The following MAF variants were observed in gnomAD, a reference collection of about 807,000 sequenced individuals.
The protein encoded by MAF is transcription factor Maf.
Under a neutral mutation model 22.0 loss-of-function variants are expected in MAF, and 10 were observed. The observed-to-expected ratio is 0.45, with a 90% confidence interval of 0.28 to 0.77. The LOEUF is 0.77. Among genes scored for constraint, MAF ranks in the 30% least tolerant of loss-of-function variants. MAF has a pLI of 0.12. For synonymous variants in MAF, 337 were observed against 255.8 expected (o/e 1.32, Z -3.03); for missense variants, 544 against 548.4 (o/e 0.99, Z 0.08).
chr16:79,374,841 G>A, the MAF span, among the ~76,000 whole-genome samples: 13 of 152,278 alleles, frequency 8.5e-5, no homozygotes, highest in African/African-American at 2.2e-4. Flanking sequence ...AACACAGTCC[G>A]TAACAGACCA....
At chr16:79,206,797 G>C in the MAF span, 2 of 152,234 alleles carry the variant, frequency 1.3e-5, no homozygotes, top group Non-Finnish European at 2.9e-5. Flanking sequence ...TACTGGTGTG[G>C]TCACCTAGCC....
chr16:79,343,248 A>C, the MAF span, among the ~76,000 whole-genome samples: 1,386 of 147,898 alleles, frequency 9.4e-3, 21 homozygotes, highest in African/African-American at 0.024. Context: ...ACCCCCCCCC[A>C]AAAAAATCTA....
the MAF span, among the ~76,000 whole-genome samples, chr16:79,221,532 C>T: frequency 6.6e-6 from 1 of 152,128 alleles, no homozygotes; most frequent in Admixed American, 6.5e-5. Context: ...ATAGTAAAAA[C>T]CACTGTTTAA....
In MAF at chr16:79,600,658, G is replaced by C. The variant is rs913819887; in HGVS notation, c.-756C>G. On this transcript the variant is annotated 5_prime_UTR_variant, in exon 1 of 2. Transcript: ENST00000326043. ...AAGACGAGGCAGAGAGCAAAGGGGG[G>C]AGGGGGAGGCCAAGCCGACAAGCAG... is the stretch of plus-strand genomic sequence containing the variant. 2 of 196,524 alleles carry C rather than the reference G, an allele frequency of 1.0e-5. No homozygotes were observed. Among genetic ancestry groups the C allele is most frequent in the East Asian group, 1.8e-4 (2 of 11,168 alleles). The allele number at this position is 196,524 out of a possible 1,614,324, so 12.2% of individuals were successfully genotyped here.
At position 79,595,183 on chromosome 16, in the gene MAF, T is replaced by C. The variant is rs1913443272; in HGVS notation, c.1119-630A>G. Reference sequence around the variant, plus strand: ...TCAAGAACACTTGACTTCAAGCTCATGAGGGGAGGTTTACTATTAAGACTT... The same window carrying C: ...TCAAGAACACTTGACTTCAAGCTCACGAGGGGAGGTTTACTATTAAGACTT... On this transcript the variant is annotated intron_variant, in intron 1 of 1. Transcript: ENST00000326043. 7 of 1,037,542 alleles carry C rather than the reference T, an allele frequency of 6.7e-6. No individual in the cohort carries two copies. In the East Asian group the frequency reaches 1.7e-4, roughly 26 times the overall value. The allele number at this position is 1,037,542 out of a possible 1,614,324, so 64.3% of individuals were successfully genotyped here. A position where few individuals can be genotyped will look rare whatever the true frequency, so the allele number is the denominator to read the frequency against.
At chr16:79,371,561 C>T in the MAF span, among the ~76,000 whole-genome samples, 2 of 152,190 alleles carry the variant, frequency 1.3e-5, no homozygotes, top group African/African-American at 2.4e-5. Context: ...CACTGGACTC[C>T]TTCCTGCTCC....
chr16:79,211,508 C>G, the MAF span: 9 of 1,487,474 alleles, frequency 6.1e-6, no homozygotes, highest in East Asian at 2.3e-5. Flanking sequence ...GAAACTGAAC[C>G]AGGTGGGGGA....
the MAF span, among the ~76,000 whole-genome samples, chr16:79,389,736 G>A: frequency 6.6e-6 from 1 of 151,784 alleles, no homozygotes; most frequent in Non-Finnish European, 1.5e-5. Flanking sequence ...CAGCACTTTG[G>A]GAGCCCGACG....
At chr16:79,406,319 T>C in the MAF span, among the ~76,000 whole-genome samples, 2 of 152,212 alleles carry the variant, frequency 1.3e-5, no homozygotes, top group African/African-American at 4.8e-5. Context: ...ATTCACATGG[T>C]TTCTTAGTCT....
chr16:79,564,370 A>T, the MAF span, among the ~76,000 whole-genome samples: 1 of 152,182 alleles, frequency 6.6e-6, no homozygotes, highest in Non-Finnish European at 1.5e-5. Context: ...GGGGAAGAAA[A>T]GTGAGGAATC....
At chr16:79,417,626 C>T in the MAF span, among the ~76,000 whole-genome samples, 1 of 152,122 alleles carries the variant, frequency 6.6e-6, no homozygotes, top group Non-Finnish European at 1.5e-5. Flanking sequence ...GGGTCCCCAG[C>T]CCTACCGAGC....
At chr16:79,354,455 C>G in the MAF span, among the ~76,000 whole-genome samples, 2 of 152,086 alleles carry the variant, frequency 1.3e-5, no homozygotes, top group African/African-American at 4.8e-5. Context: ...ACCTTTCGGC[C>G]ATAGTGGGAG....
chr16:79,211,705 C>T, the MAF span: 2 of 1,614,236 alleles, frequency 1.2e-6, no homozygotes, highest in Non-Finnish European at 8.5e-7. Flanking sequence ...TGCATGCCCT[C>T]ACCAGAAGCT....
chr16:79,234,078 C>A, the MAF span, among the ~76,000 whole-genome samples: 1 of 151,898 alleles, frequency 6.6e-6, no homozygotes, highest in East Asian at 1.9e-4. Flanking sequence ...AGAAAGTGAT[C>A]CTGAACCCGC....
At chr16:79,210,475 A>C in the MAF span, among the ~76,000 whole-genome samples, 8 of 152,278 alleles carry the variant, frequency 5.3e-5, no homozygotes, top group East Asian at 1.2e-3. Context: ...CGGGTCGGAA[A>C]GCCATTTCCC....
chr16:79,515,798 T>A, the MAF span, among the ~76,000 whole-genome samples: 1 of 152,094 alleles, frequency 6.6e-6, no homozygotes, highest in East Asian at 1.9e-4. Context: ...AGGTCTGAGA[T>A]CCAGTGATGG....
the MAF span, chr16:79,212,972 T>C: frequency 6.6e-6 from 1 of 152,254 alleles, no homozygotes; most frequent in African/African-American, 2.4e-5. Flanking sequence ...TATTACTTAC[T>C]TACAGTGAGT....
chr16:79,546,023 T>C, the MAF span, among the ~76,000 whole-genome samples: 7 of 152,046 alleles, frequency 4.6e-5, no homozygotes, highest in Admixed American at 1.3e-4. Flanking sequence ...CATAAATATA[T>C]ACATTTTTGT....
chr16:79,343,371 T>G, the MAF span, among the ~76,000 whole-genome samples: 1 of 152,136 alleles, frequency 6.6e-6, no homozygotes, highest in East Asian at 1.9e-4. Context: ...GTGAATGACC[T>G]CTTCAGAAAA....
Sources: allele counts gnomAD v4.1 joint callset (sites outside exome capture counted in the v4.1 genomes callset), GRCh38; gene constraint gnomAD v4.1.1; transcripts MANE v1.5; gene names NCBI Gene and HGNC (gene_info 2026-07-23, HGNC 2026-07-21).